Variants in ZNF277 observed in about 807,000 individuals in gnomAD.
The protein encoded by ZNF277 is zinc finger protein 277.
A neutral mutation model predicts 60.7 loss-of-function variants in ZNF277; 55 were observed. The observed-to-expected ratio is 0.91, with a 90% CI of 0.73 to 1.13. The LOEUF (loss-of-function observed/expected upper bound fraction) is 1.13. Ranked by LOEUF, ZNF277 falls within the 50% of genes most tolerant of loss-of-function variation. The pLI is 0.00. For missense variants in ZNF277, 510 were observed against 523.0 expected (o/e 0.98, Z 0.24); for synonymous variants, 178 against 179.3 (o/e 0.99, Z 0.06).
intron 1 of ZNF277, among the ~76,000 whole-genome samples, chr7:112,216,650 T>C (rs1821892542): frequency 6.6e-6 from 1 of 152,216 alleles, no homozygotes; most frequent in African/African-American, 2.4e-5. Flanking sequence ...GGTTAAGATT[T>C]CCTGGTTTGT....
intron 8 of ZNF277, 135 bp downstream of exon 8, chr7:112,336,306 T>A: frequency 1.6e-6 from 1 of 636,274 alleles, no homozygotes; most frequent in Non-Finnish European, 2.5e-6. Flanking sequence ...TCCCTTCATG[T>A]AATGTGGCAA....
At chr7:112,278,469 C>T (rs1791865466) in intron 1 of ZNF277, among the ~76,000 whole-genome samples, 1 of 152,136 alleles carries the variant, frequency 6.6e-6, no homozygotes, top group East Asian at 1.9e-4. Context: ...AAACCATTCT[C>T]CTTATTACCA....
At chr7:112,245,879 G>A (rs954835157) in intron 1 of ZNF277, among the ~76,000 whole-genome samples, 42 of 152,114 alleles carry the variant, frequency 2.8e-4, no homozygotes, top group African/African-American at 8.9e-4. Context: ...ATCTTTTTAC[G>A]GAGACACAAT....
intron 9 of ZNF277, among the ~76,000 whole-genome samples, chr7:112,339,382 G>A (rs62473146): frequency 0.058 from 8,812 of 152,184 alleles, 480 homozygotes; most frequent in African/African-American, 0.14. Context: ...GCAGTGTCAC[G>A]ATCTCAGCTC....
intron 7 of ZNF277, among the ~76,000 whole-genome samples, chr7:112,333,818 C>T (rs1467762665): frequency 6.6e-6 from 1 of 152,170 alleles, no homozygotes; most frequent in Non-Finnish European, 1.5e-5. Context: ...TTTGTTTTCT[C>T]ACAAACAAAA....
chr7:112,339,215 C>T (rs1253007272), intron 9 of ZNF277, among the ~76,000 whole-genome samples: 1 of 152,216 alleles, frequency 6.6e-6, no homozygotes, highest in Non-Finnish European at 1.5e-5. Flanking sequence ...ACACTTTTAT[C>T]ACACTGCAGA....
intron 6 of ZNF277, among the ~76,000 whole-genome samples, chr7:112,329,811 G>A (rs1231323953): frequency 6.6e-6 from 1 of 152,118 alleles, no homozygotes; most frequent in Non-Finnish European, 1.5e-5. Flanking sequence ...AGTTAGTAAA[G>A]AACCAAAATA....
intron 4 of ZNF277, among the ~76,000 whole-genome samples, chr7:112,305,890 A>G (rs1288174470): frequency 6.6e-6 from 1 of 152,082 alleles, no homozygotes; most frequent in Non-Finnish European, 1.5e-5. Flanking sequence ...GTTCAAGAGA[A>G]GAGGCTCATC....
chr7:112,216,133 A>G (rs772365591), intron 1 of ZNF277, among the ~76,000 whole-genome samples: 2 of 151,708 alleles, frequency 1.3e-5, no homozygotes, highest in Non-Finnish European at 2.9e-5. Context: ...CAGTTTATGA[A>G]TGACTTTTGA....
intron 1 of ZNF277, among the ~76,000 whole-genome samples, chr7:112,279,798 GA>G (rs1375513616): frequency 6.6e-6 from 1 of 152,050 alleles, no homozygotes; most frequent in African/African-American, 2.4e-5. Flanking sequence ...AAACATAAGA[GA>G]AAATATATTT....
In ZNF277 at chr7:112,336,143, G is replaced by C. The variant is rs773505303; in HGVS notation, c.841G>C (p.Asp281His). 2 of 1,610,946 alleles carry C rather than the reference G, an allele frequency of 1.2e-6. No individual in the cohort carries two copies. Among genetic ancestry groups the C allele is most frequent in the South Asian group, 2.2e-5 (2 of 90,598 alleles). ...KSWEEVQLED[D>H]RELLDHQEDD... is the part of the protein sequence containing the mutation. ...GTGGGAAGAAGTTCAGTTGGAAGATGATCGGGAGTTGCTGGACCATCAGGA... is the reference window on the plus strand; with the variant it reads ...GTGGGAAGAAGTTCAGTTGGAAGATCATCGGGAGTTGCTGGACCATCAGGA... The change falls in exon 8 of 12, where the codon GAT becomes CAT. Residue 281 changes from aspartate to histidine, a missense_variant. Physicochemically the swap from Asp to His is moderately conservative, Grantham distance 81 (BLOSUM62 -1). Transcript: ENST00000361822.
intron 1 of ZNF277, among the ~76,000 whole-genome samples, chr7:112,276,684 T>C (rs956924707): frequency 1.3e-5 from 2 of 152,188 alleles, no homozygotes; most frequent in Non-Finnish European, 2.9e-5. Context: ...TTATTATTAG[T>C]AAATTGCTGT....
chr7:112,283,828 T>C (rs1051943753), intron 1 of ZNF277, among the ~76,000 whole-genome samples: 3 of 152,142 alleles, frequency 2.0e-5, no homozygotes, highest in African/African-American at 7.2e-5. Context: ...TTTTGGACAA[T>C]GTGGGCTACT....
At chr7:112,297,141 A>G (rs1316149849) in intron 4 of ZNF277, among the ~76,000 whole-genome samples, 1 of 151,228 alleles carries the variant, frequency 6.6e-6, no homozygotes, top group Non-Finnish European at 1.5e-5. Context: ...ATTAGCAAGG[A>G]TGGTCTCGAT....
chr7:112,223,075 T>C lies in ZNF277; in HGVS notation c.91+16268T>C, dbSNP rs189510872. Among the ~76,000 whole-genome samples the C allele has an allele frequency of 1.5e-3, 232 of 152,326 alleles. 1 individual carries two copies. Among genetic ancestry groups the C allele is most frequent in the African/African-American group, 5.4e-3 (223 of 41,570 alleles). ...CCTGCTGATGGCCTATTGTGGGACC[T>C]TGTGATTGTGTGAGTTAATACTTAA... On this transcript the variant is annotated intron_variant, in intron 1 of 11. Coordinates refer to ENST00000361822, the MANE Select transcript of ZNF277 (RefSeq NM_021994.3).
At chr7:112,241,734 A>T (rs1790959643) in intron 1 of ZNF277, among the ~76,000 whole-genome samples, 1 of 152,160 alleles carries the variant, frequency 6.6e-6, no homozygotes, top group South Asian at 2.1e-4. Flanking sequence ...CATTTTGTTA[A>T]GTGAAATAAG....
chr7:112,242,977 C>A (rs1790995205), intron 1 of ZNF277, among the ~76,000 whole-genome samples: 1 of 151,982 alleles, frequency 6.6e-6, no homozygotes, highest in Non-Finnish European at 1.5e-5. Flanking sequence ...AAAATAGACA[C>A]ATAGATCAAT....
intron 7 of ZNF277, among the ~76,000 whole-genome samples, chr7:112,332,481 T>C (rs1223185493): frequency 6.6e-6 from 1 of 152,110 alleles, no homozygotes; most frequent in Non-Finnish European, 1.5e-5. Flanking sequence ...ATGCTTTGGG[T>C]TGGGTATTTT....
At chr7:112,307,079 G>T (rs1792613248) in intron 4 of ZNF277, among the ~76,000 whole-genome samples, 1 of 152,044 alleles carries the variant, frequency 6.6e-6, no homozygotes, top group African/African-American at 2.4e-5. Context: ...CCTTTGCTTT[G>T]TGTGCTAAAG....
Sources: gnomAD v4.1 joint callset for allele counts (sites outside exome capture counted in the v4.1 genomes callset) on GRCh38, gnomAD v4.1.1 for gene constraint, MANE v1.5 for transcripts, NCBI Gene and HGNC (gene_info 2026-07-23, HGNC 2026-07-21) for gene names.